Variants in CPHXL observed in about 807,000 individuals in gnomAD.
The protein encoded by CPHXL is cytoplasmic polyadenylated homeobox-like protein.
intron 1 of CPHXL, among the ~76,000 whole-genome samples, chr16:75,720,898 G>T (rs571556108): frequency 5.4e-4 from 82 of 152,284 alleles, no homozygotes; most frequent in African/African-American, 1.9e-3. Context: ...GACTAACAGC[G>T]GATCTCTCAG....
At chr16:75,726,362 A>G (rs1056474101) in intron 1 of CPHXL, 56 bp downstream of exon 1, 36 of 398,472 alleles carry the variant, frequency 9.0e-5, no homozygotes, top group Non-Finnish European at 1.2e-4. Context: ...TTGACACACT[A>G]TTGAGAAAAA....
rs758186485 is a variant in CPHXL at position 75,718,363 on chromosome 16, G to T, written c.121C>A (p.Gln41Lys). ...TCTCCAAATATTTCCTTAAGTTCCT[G>T]CAGTAATTCTTCAGAAAATTTATGT... is the stretch of plus-strand genomic sequence containing the variant. ...HRHKFSEELL[Q>K]ELKEIFGENC... Residue 41 changes from glutamine to lysine, a missense_variant, in exon 2 of 3, where the codon CAG becomes AAG. Coordinates refer to ENST00000640559, the MANE Select transcript of CPHXL (RefSeq NM_001355613.1). The T allele has an allele frequency of 5.0e-6, 2 of 398,612 alleles. No homozygotes were observed. The highest frequency in any genetic ancestry group is 8.8e-6 in the Non-Finnish European group (2 of 226,194). The allele number at this position is 398,612 out of a possible 1,614,324, so 24.7% of individuals were successfully genotyped here.
intron 1 of CPHXL, among the ~76,000 whole-genome samples, chr16:75,721,316 TAA>T (rs1391371858): frequency 6.6e-6 from 1 of 152,062 alleles, no homozygotes; most frequent in African/African-American, 2.4e-5. Context: ...GCAAATTGGA[TAA>T]AGAGTCAAGA....
intron 2 of CPHXL, among the ~76,000 whole-genome samples, chr16:75,715,981 AGCCACCACATCTG>A (rs1959385678): frequency 6.6e-6 from 1 of 152,176 alleles, no homozygotes; most frequent in African/African-American, 2.4e-5. Flanking sequence ...TACAGGCATG[AGCCACCACATCTG>A]GCCCACATTT....
intron 1 of CPHXL, among the ~76,000 whole-genome samples, chr16:75,724,201 G>A (rs1959520975): frequency 6.6e-6 from 1 of 152,120 alleles, no homozygotes; most frequent in South Asian, 2.1e-4. Context: ...TACCATTCAG[G>A]ACATAGGCAT....
At position 75,715,090 on chromosome 16, in the gene CPHXL, G is replaced by A. The variant is rs1021613585; in HGVS notation, c.352C>T (p.His118Tyr). ...AGGCTCTGCTTGGTGGCATAGTTGT[G>A]AGCTGCAGCCTGGGTCTCCTGGCAG... ...LSCQETQAAA[H>Y]NYATKQSLSG... Residue 118 changes from histidine (H) to tyrosine (Y), a missense_variant, in exon 3 of 3, where the codon CAC (histidine) becomes TAC (tyrosine). Transcript: ENST00000640559. The A allele has an allele frequency of 1.5e-5, 6 of 398,756 alleles. No individual in the cohort carries two copies. Among genetic ancestry groups the A allele is most frequent in the Middle Eastern group, 5.8e-4 (1 of 1,726 alleles). 24.7% of individuals were successfully genotyped at this position (398,756 alleles called of 1,614,324 possible).
chr16:75,720,150 G>C (rs1224561716), intron 1 of CPHXL, among the ~76,000 whole-genome samples: 1 of 152,036 alleles, frequency 6.6e-6, no homozygotes, highest in Non-Finnish European at 1.5e-5. Flanking sequence ...ACAAAGATGG[G>C]GAAAAAACAG....
intron 1 of CPHXL, among the ~76,000 whole-genome samples, chr16:75,725,710 A>C (rs1022594198): frequency 1.6e-4 from 22 of 139,632 alleles, no homozygotes; most frequent in African/African-American, 2.7e-5. Flanking sequence ...CCTCGGCCTC[A>C]CAAAGTGCTG....
chr16:75,724,198 C>T (rs972280537), intron 1 of CPHXL, among the ~76,000 whole-genome samples: 17 of 152,282 alleles, frequency 1.1e-4, no homozygotes, highest in African/African-American at 4.1e-4. Context: ...CAATACCATT[C>T]AGGACATAGG....
At chr16:75,717,369 T>C (rs1311747563) in intron 2 of CPHXL, among the ~76,000 whole-genome samples, 1 of 152,244 alleles carries the variant, frequency 6.6e-6, no homozygotes, top group Non-Finnish European at 1.5e-5. Context: ...GTTATGTGCA[T>C]GTGTACAATT....
At chr16:75,717,187 A>G (rs984056973) in intron 2 of CPHXL, among the ~76,000 whole-genome samples, 23 of 152,090 alleles carry the variant, frequency 1.5e-4, no homozygotes, top group African/African-American at 4.8e-4. Context: ...GGCCCAAACC[A>G]CCGTCACCAC....
intron 1 of CPHXL, among the ~76,000 whole-genome samples, chr16:75,723,049 A>AG (rs1340887238): frequency 6.6e-6 from 1 of 151,996 alleles, no homozygotes; most frequent in African/African-American, 2.4e-5. Context: ...AAAATTCAAC[A>AG]CTCCTTCATG....
intron 1 of CPHXL, among the ~76,000 whole-genome samples, chr16:75,722,031 A>G (rs969806263): frequency 1.5e-4 from 23 of 152,268 alleles, no homozygotes; most frequent in African/African-American, 5.5e-4. Context: ...ATGAAGGCAG[A>G]AACAAAGATG....
chr16:75,721,261 T>G (rs1959473214), intron 1 of CPHXL, among the ~76,000 whole-genome samples: 1 of 152,120 alleles, frequency 6.6e-6, no homozygotes, highest in Non-Finnish European at 1.5e-5. Context: ...AATATTAACC[T>G]TAAATGTAAA....
chr16:75,718,488 A>G (rs190213965), intron 1 of CPHXL, 30 bp from the exon 2 acceptor site: 118 of 398,406 alleles, frequency 3.0e-4, no homozygotes, highest in African/African-American at 2.4e-3. Flanking sequence ...CGAGAAGGGC[A>G]TTAGAGAATA....
At chr16:75,721,245 C>A (rs950495396) in intron 1 of CPHXL, among the ~76,000 whole-genome samples, 2 of 152,154 alleles carry the variant, frequency 1.3e-5, no homozygotes, top group Admixed American at 1.3e-4. Context: ...CAAATTCACA[C>A]ATAACAATAT....
Position 75,725,291 on chromosome 16 carries a change from C to A in CPHXL, c.25+1127G>T, listed in dbSNP as rs549774948. ...AAAGTATAATAATAAAAAAAACTTT[C>A]TTTTTTTCTTTATTTTTGAGACAGT... On this transcript the variant is annotated intron_variant, in intron 1 of 2. Transcript: ENST00000640559. Among the ~76,000 whole-genome samples the A allele has an allele frequency of 2.5e-3, 373 of 151,658 alleles. 2 individuals are homozygous for A. Among genetic ancestry groups the A allele is most frequent in the African/African-American group, 8.7e-3 (360 of 41,474 alleles).
chr16:75,722,681 G>A (rs1028887334), intron 1 of CPHXL, among the ~76,000 whole-genome samples: 3 of 152,200 alleles, frequency 2.0e-5, no homozygotes, highest in Non-Finnish European at 4.4e-5. Context: ...GTGCAAGGAA[G>A]AGCTAGTAAC....
At chr16:75,724,459 G>T (rs922339891) in intron 1 of CPHXL, among the ~76,000 whole-genome samples, 1 of 152,196 alleles carries the variant, frequency 6.6e-6, no homozygotes, top group African/African-American at 2.4e-5. Context: ...CAACAAGTGG[G>T]TGAAGGATAT....
Sources: gnomAD v4.1 joint callset for allele counts (sites outside exome capture counted in the v4.1 genomes callset) on GRCh38, gnomAD v4.1.1 for gene constraint, MANE v1.5 for transcripts, NCBI Gene and HGNC (gene_info 2026-07-23, HGNC 2026-07-21) for gene names.